The following HNRNPC variants were observed in gnomAD, a reference collection of about 807,000 sequenced individuals.
HNRNPC encodes the protein heterogeneous nuclear ribonucleoprotein C.
Under a neutral mutation model 33.2 loss-of-function variants are expected in HNRNPC, and 3 were observed. That is an observed-to-expected ratio of 0.09 (90% CI 0.04 to 0.23). HNRNPC has a LOEUF of 0.23. Among genes scored for constraint, HNRNPC ranks in the 10% least tolerant of loss-of-function variants. The pLI is 1.00. For synonymous variants in HNRNPC, 121 were observed against 126.7 expected (o/e 0.96, Z 0.30); for missense variants, 143 against 366.7 (o/e 0.39, Z 4.98).
At chr14:21,227,952 C>T (rs761466276) in intron 5 of HNRNPC, among the ~76,000 whole-genome samples, 4 of 152,146 alleles carry the variant, frequency 2.6e-5, no homozygotes, top group African/African-American at 7.2e-5. Flanking sequence ...AACACAACCA[C>T]GTCCTTAATC....
chr14:21,232,905 C>T (rs928844086), intron 3 of HNRNPC, among the ~76,000 whole-genome samples: 1 of 152,030 alleles, frequency 6.6e-6, no homozygotes, highest in Non-Finnish European at 1.5e-5. Context: ...GGTGTGGTGG[C>T]ACATGCCTGT....
At chr14:21,238,006 G>T (rs1038937665) in intron 2 of HNRNPC, among the ~76,000 whole-genome samples, 16 of 152,208 alleles carry the variant, frequency 1.1e-4, no homozygotes, top group African/African-American at 3.6e-4. Context: ...TCTGACCTCA[G>T]GTGATCCGCC....
At chr14:21,212,899 A>C (rs984801389) in intron 6 of HNRNPC, 61 bp downstream of exon 6, 24 of 1,590,158 alleles carry the variant, frequency 1.5e-5, no homozygotes, top group Non-Finnish European at 2.0e-5. Flanking sequence ...TTGTAACTGC[A>C]TTAGCTTCCC....
In HNRNPC at chr14:21,266,895, A is replaced by G. The variant is rs142088678; in HGVS notation, c.-63+2403T>C. Among the ~76,000 whole-genome samples, 47 of 151,696 alleles carry G rather than the reference A, an allele frequency of 3.1e-4. No individual in the cohort carries two copies. In the East Asian group the frequency reaches 8.0e-3, roughly 26 times the overall value. Reference sequence around the variant, plus strand: ...TCCCTGAGCTCAGGAGTTCGAGACCAGCCTGGCCAACACGGTGAAACCCCG... The same window carrying G: ...TCCCTGAGCTCAGGAGTTCGAGACCGGCCTGGCCAACACGGTGAAACCCCG... On this transcript the variant is annotated intron_variant, in intron 1 of 8. Transcript: ENST00000553300.
At chr14:21,252,027 T>TA (rs1309826018) in intron 2 of HNRNPC, among the ~76,000 whole-genome samples, 2 of 152,204 alleles carry the variant, frequency 1.3e-5, no homozygotes, top group African/African-American at 4.8e-5. Context: ...AGTATTCTCT[T>TA]AAACAGCCAA....
chr14:21,251,857 C>A (rs768090978), intron 2 of HNRNPC, among the ~76,000 whole-genome samples: 8 of 152,044 alleles, frequency 5.3e-5, no homozygotes, highest in Non-Finnish European at 7.4e-5. Context: ...CAGTTAAGAT[C>A]AGTTTTTTTT....
At chr14:21,246,762 A>G (rs1442462048) in intron 2 of HNRNPC, among the ~76,000 whole-genome samples, 1 of 152,162 alleles carries the variant, frequency 6.6e-6, no homozygotes, top group African/African-American at 2.4e-5. Context: ...ATATGGGTTT[A>G]TACATGGATT....
chr14:21,248,387 C>G (rs141019319), intron 2 of HNRNPC, among the ~76,000 whole-genome samples: 14 of 152,274 alleles, frequency 9.2e-5, no homozygotes, highest in African/African-American at 2.9e-4. Context: ...GTGGCATGCA[C>G]TTTCTTTGGG....
At chr14:21,235,207 C>A (rs1377358534) in intron 2 of HNRNPC, among the ~76,000 whole-genome samples, 1 of 152,092 alleles carries the variant, frequency 6.6e-6, no homozygotes, top group African/African-American at 2.4e-5. Context: ...TGCCTCTTCC[C>A]ACTCCAACCC....
At chr14:21,260,363 CTTAT>C (rs1878009231) in intron 2 of HNRNPC, among the ~76,000 whole-genome samples, 2 of 111,486 alleles carry the variant, frequency 1.8e-5, no homozygotes, top group South Asian at 2.8e-4. Context: ...GAGACTCCGT[CTTAT>C]TTAAAAAAAA....
At chr14:21,258,690 T>C (rs984381771) in intron 2 of HNRNPC, among the ~76,000 whole-genome samples, 1 of 152,218 alleles carries the variant, frequency 6.6e-6, no homozygotes, top group Admixed American at 6.5e-5. Flanking sequence ...TGCTACTTTT[T>C]TCTGCCAAAT....
chr14:21,226,327 G>C (rs201927013), intron 5 of HNRNPC, among the ~76,000 whole-genome samples: 2 of 110,644 alleles, frequency 1.8e-5, no homozygotes, highest in South Asian at 2.9e-4. Flanking sequence ...GTTTCCAAAA[G>C]AAAAAAAAAA....
chr14:21,234,116 A>G lies in HNRNPC; in HGVS notation c.78T>C (p.Leu26=), dbSNP rs1894403266. Residue 26 remains leucine (L), a synonymous_variant, in exon 3 of 9, where the codon CTT becomes CTC. Transcript: ENST00000553300. ...CCTCCACATCAGATTTCTTGACCAC[A>G]AGAGTGTTGAGATTCCCAATGAATA... The part of the protein sequence containing the change: ...SRVFIGNLNT[L]VVKKSDVEAI... The G allele has an allele frequency of 2.5e-6, 4 of 1,614,034 alleles. No individual in the cohort carries two copies. Among genetic ancestry groups the G allele is most frequent in the Middle Eastern group, 1.7e-4 (1 of 6,060 alleles).
chr14:21,245,572 C>T (rs1196380313), intron 2 of HNRNPC, among the ~76,000 whole-genome samples: 2 of 152,062 alleles, frequency 1.3e-5, no homozygotes, highest in East Asian at 1.9e-4. Context: ...TAGGACTGAA[C>T]GTTGCTTTTG....
chr14:21,239,667 A>G (rs1364523781), intron 2 of HNRNPC, among the ~76,000 whole-genome samples: 3 of 152,196 alleles, frequency 2.0e-5, no homozygotes, highest in Non-Finnish European at 2.9e-5. Context: ...TGAGGACAGG[A>G]GTTCGAGACC....
chr14:21,255,409 T>A (rs957632347), intron 2 of HNRNPC, among the ~76,000 whole-genome samples: 1 of 152,250 alleles, frequency 6.6e-6, no homozygotes, highest in Non-Finnish European at 1.5e-5. Context: ...CCATGCTTTC[T>A]CAGTAGAGAA....
chr14:21,240,803 A>T (rs1221938117), intron 2 of HNRNPC, among the ~76,000 whole-genome samples: 1 of 152,210 alleles, frequency 6.6e-6, no homozygotes, highest in African/African-American at 2.4e-5. Context: ...CACATGGGTT[A>T]ATCACATTAT....
intron 6 of HNRNPC, among the ~76,000 whole-genome samples, chr14:21,212,441 C>G (rs972401090): frequency 2.6e-5 from 4 of 152,146 alleles, no homozygotes; most frequent in Admixed American, 2.0e-4. Flanking sequence ...GAACTTAACG[C>G]ACACCTCAAC....
At chr14:21,248,824 C>T (rs914600450) in intron 2 of HNRNPC, among the ~76,000 whole-genome samples, 7 of 152,182 alleles carry the variant, frequency 4.6e-5, no homozygotes, top group Non-Finnish European at 8.8e-5. Context: ...AGTTTTAAAA[C>T]TGCGTGTTTT....
Sources: gnomAD v4.1 joint callset for allele counts (sites outside exome capture counted in the v4.1 genomes callset) on GRCh38, gnomAD v4.1.1 for gene constraint, MANE v1.5 for transcripts, NCBI Gene and HGNC (gene_info 2026-07-23, HGNC 2026-07-21) for gene names.